Variants in ARK2N observed in about 807,000 individuals in gnomAD.
The protein encoded by ARK2N is arkadia (RNF111) N-terminal like PKA signaling regulator 2N, also known as protein ARK2N.
chr18:46,203,383 C>T, the ARK2N span, among the ~76,000 whole-genome samples: 2 of 151,894 alleles, frequency 1.3e-5, no homozygotes, highest in South Asian at 2.1e-4. Flanking sequence ...AAACTTGACA[C>T]GAAAATAAAA....
At chr18:46,180,918 A>G in the ARK2N span, among the ~76,000 whole-genome samples, 1 of 152,264 alleles carries the variant, frequency 6.6e-6, no homozygotes, top group South Asian at 2.1e-4. Flanking sequence ...GGTATTAGAA[A>G]ATAGCATTTT....
the ARK2N span, among the ~76,000 whole-genome samples, chr18:46,180,506 A>G: frequency 6.6e-6 from 1 of 152,158 alleles, no homozygotes; most frequent in African/African-American, 2.4e-5. Context: ...TCGGAGTTTG[A>G]GACCAGCCTG....
the ARK2N span, among the ~76,000 whole-genome samples, chr18:46,261,741 C>T: frequency 6.6e-6 from 1 of 152,176 alleles, no homozygotes; most frequent in Non-Finnish European, 1.5e-5. Flanking sequence ...GCGTTCTGCC[C>T]TCTGCTCTGG....
At chr18:46,225,616 G>T in the ARK2N span, among the ~76,000 whole-genome samples, 2 of 152,020 alleles carry the variant, frequency 1.3e-5, no homozygotes, top group Non-Finnish European at 2.9e-5. Flanking sequence ...CCGCCACCAC[G>T]CCTGGCTAAT....
the ARK2N span, among the ~76,000 whole-genome samples, chr18:46,205,058 C>A: frequency 6.6e-6 from 1 of 152,040 alleles, no homozygotes; most frequent in African/African-American, 2.4e-5. Context: ...CAGGAACCCA[C>A]GACCACGCCT....
chr18:46,200,091 T>TGCGC, the ARK2N span, among the ~76,000 whole-genome samples: 1 of 147,982 alleles, frequency 6.8e-6, no homozygotes, highest in African/African-American at 2.4e-5. Flanking sequence ...TGTGTGTGTG[T>TGCGC]GCGCGCGCGT....
At chr18:46,209,896 CA>C in the ARK2N span, among the ~76,000 whole-genome samples, 1 of 152,040 alleles carries the variant, frequency 6.6e-6, no homozygotes, top group African/African-American at 2.4e-5. Flanking sequence ...GCCTGGCCAA[CA>C]AACTGTTTTT....
chr18:46,240,897 CTTGTT>C, the ARK2N span, among the ~76,000 whole-genome samples: 2 of 152,090 alleles, frequency 1.3e-5, no homozygotes, highest in Non-Finnish European at 2.9e-5. Context: ...TAATTTAAAC[CTTGTT>C]TTGTTGTTGT....
chr18:46,264,735 CTTTTTTTTT>C, the ARK2N span: 2 of 133,226 alleles, frequency 1.5e-5, no homozygotes, highest in East Asian at 4.5e-4. Flanking sequence ...TCATCTTCTT[CTTTTTTTTT>C]TTTTTTTGTA....
chr18:46,250,125 T>C, the ARK2N span, among the ~76,000 whole-genome samples: 1 of 152,132 alleles, frequency 6.6e-6, no homozygotes, highest in South Asian at 2.1e-4. Flanking sequence ...AGTCTGTATT[T>C]CCTCTTTAGA....
the ARK2N span, chr18:46,216,223 A>G: frequency 6.2e-7 from 1 of 1,613,716 alleles, no homozygotes; most frequent in Non-Finnish European, 8.5e-7. The surrounding 1 kb of genome is among the most constrained non-coding windows in gnomAD (Gnocchi z 4.3). Flanking sequence ...CGCAGAAGAG[A>G]ATGAACCCTC....
chr18:46,191,896 A>G, the ARK2N span, among the ~76,000 whole-genome samples: 8 of 152,270 alleles, frequency 5.3e-5, no homozygotes, highest in South Asian at 2.1e-4. Flanking sequence ...AGAATGTCAT[A>G]CAATTGGAAT....
At chr18:46,243,059 A>T in the ARK2N span, among the ~76,000 whole-genome samples, 2 of 152,202 alleles carry the variant, frequency 1.3e-5, no homozygotes, top group African/African-American at 4.8e-5. Context: ...ACATTTTGTT[A>T]TGAAGCTTAT....
the ARK2N span, among the ~76,000 whole-genome samples, chr18:46,195,559 C>CTTTTTTTTTTTTTTTTTTT: frequency 1.4e-5 from 1 of 72,674 alleles, no homozygotes; most frequent in African/African-American, 6.2e-5. Flanking sequence ...CCCACATAAA[C>CTTTTTTTTTTTTTTTTTTT]TTTTTTTTTT....
the ARK2N span, among the ~76,000 whole-genome samples, chr18:46,227,936 T>C: frequency 2.0e-5 from 3 of 152,134 alleles, no homozygotes; most frequent in African/African-American, 7.2e-5. Context: ...TTAGATTTTC[T>C]GAACTTAATT....
the ARK2N span, among the ~76,000 whole-genome samples, chr18:46,249,301 C>G: frequency 1.3e-5 from 2 of 152,120 alleles, no homozygotes; most frequent in Non-Finnish European, 2.9e-5. Flanking sequence ...GCCATCTCAG[C>G]TCACTGCAAG....
the ARK2N span, among the ~76,000 whole-genome samples, chr18:46,222,044 A>G: frequency 6.6e-6 from 1 of 152,238 alleles, no homozygotes; most frequent in Non-Finnish European, 1.5e-5. Context: ...ATGGTTTGCA[A>G]TCTGGCTATG....
the ARK2N span, among the ~76,000 whole-genome samples, chr18:46,186,498 ATTTTTTTTTT>A: frequency 1.2e-5 from 1 of 81,862 alleles, no homozygotes; most frequent in African/African-American, 5.7e-5. Context: ...CCAACTGGTG[ATTTTTTTTTT>A]TTTTTTTTTT....
the ARK2N span, among the ~76,000 whole-genome samples, chr18:46,183,503 C>G: frequency 3.9e-5 from 6 of 152,118 alleles, no homozygotes; most frequent in African/African-American, 1.4e-4. Flanking sequence ...TGTTGGTGAT[C>G]GTTGCCCAGT....
Sources: gnomAD v4.1 joint callset for allele counts (sites outside exome capture counted in the v4.1 genomes callset) on GRCh38, gnomAD v4.1.1 for gene constraint, Gnocchi (gnomAD v3.1) non-coding constraint, MANE v1.5 for transcripts, NCBI Gene and HGNC (gene_info 2026-07-23, HGNC 2026-07-21) for gene names.